LHFPL1: variants seen among roughly 807,000 people sequenced by gnomAD.
The protein encoded by LHFPL1 is LHFPL tetraspan subfamily member 1 protein.
Under a neutral mutation model 12.1 loss-of-function variants are expected in LHFPL1, and 4 were observed. The ratio of observed to expected loss-of-function variants is 0.33; its 90% CI spans 0.16 to 0.76. The LOEUF is 0.76. Among genes scored for constraint, LHFPL1 ranks in the 30% least tolerant of loss-of-function variants. LHFPL1 has a pLI of 0.61. For missense variants in LHFPL1, 141 were observed against 174.1 expected (o/e 0.81, Z 1.07); for synonymous variants, 52 against 61.9 (o/e 0.84, Z 0.75).
At chrX:112,674,364 T>C (rs777402258) in intron 1 of LHFPL1, among the ~76,000 whole-genome samples, 3 of 111,381 alleles carry the variant, frequency 2.7e-5, no homozygotes, top group Non-Finnish European at 5.7e-5. Context: ...GAAAAAACCC[T>C]TCTAGACATT....
In LHFPL1 at chrX:112,671,167, G is replaced by A. The variant is rs138936008; in HGVS notation, c.224C>T (p.Ala75Val). ...EECGRYASFN[A>V]IPSLAWQMCT... ...CATCTGCCAGGCCAGGCTTGGGATGGCATTGAAGCTGGCATAGCGCCCACA... is the reference window on the plus strand; with the variant it reads ...CATCTGCCAGGCCAGGCTTGGGATGACATTGAAGCTGGCATAGCGCCCACA... Residue 75 changes from alanine to valine, a missense_variant, in exon 2 of 4, where the codon GCC becomes GTC. Physicochemically the swap from Ala to Val is moderately conservative, Grantham distance 64 (BLOSUM62 0). Coordinates refer to ENST00000371968, the MANE Select transcript of LHFPL1 (RefSeq NM_178175.4). The A allele has an allele frequency of 4.8e-4, 577 of 1,210,871 alleles. 1 individual carries two copies. The African/African-American group carries it at 9.2e-3, about 19-fold the overall frequency.
chrX:112,668,950 C>A (rs774653727), intron 2 of LHFPL1, among the ~76,000 whole-genome samples: 1 of 112,172 alleles, frequency 8.9e-6, no homozygotes, highest in East Asian at 2.8e-4. Context: ...CTGCTGGAAA[C>A]TCTTAGAAAT....
At chrX:112,675,884 T>C (rs1225269339) in intron 1 of LHFPL1, among the ~76,000 whole-genome samples, 3 of 112,564 alleles carry the variant, frequency 2.7e-5, no homozygotes, top group African/African-American at 9.7e-5. Context: ...GAATTAAACA[T>C]TGAAGATATG....
chrX:112,654,667 G>A (rs1179723160), intron 3 of LHFPL1, among the ~76,000 whole-genome samples: 1 of 109,901 alleles, frequency 9.1e-6, no homozygotes, highest in Non-Finnish European at 1.9e-5. Context: ...GAATGGTATC[G>A]AGGTCAGAAA....
intron 1 of LHFPL1, among the ~76,000 whole-genome samples, chrX:112,674,267 C>T (rs186100015): frequency 7.7e-4 from 86 of 111,648 alleles, no homozygotes; most frequent in African/African-American, 2.6e-3. Context: ...GGATCCTTAT[C>T]TCTCACCTTA....
intron 1 of LHFPL1, 41 bp from the exon 2 acceptor site, chrX:112,671,445 G>A: frequency 1.7e-6 from 2 of 1,208,644 alleles, no homozygotes; most frequent in Non-Finnish European, 1.1e-6. Context: ...AGCACCAAAT[G>A]CAGTAAGTTA....
Position 112,661,284 on chromosome X carries a change from C to T in LHFPL1, c.383-559G>A, listed in dbSNP as rs752991705. ...GGTTTCCATATGCCTTACACCATGA[C>T]GCCTTACGCTAAATAAAAGGATGAA... On this transcript the variant is annotated intron_variant, in intron 2 of 3. Transcript: ENST00000371968. Among the ~76,000 whole-genome samples the T allele has an allele frequency of 1.6e-4, 18 of 111,020 alleles. No homozygotes were observed. The South Asian group carries it at 7.0e-3, about 43-fold the overall frequency.
chrX:112,637,166 T>A, intron 3 of LHFPL1, among the ~76,000 whole-genome samples: 1 of 112,359 alleles, frequency 8.9e-6, no homozygotes, highest in East Asian at 2.8e-4. Context: ...TACAAGTTAT[T>A]AAATCATCAC....
chrX:112,639,270 C>T (rs1379617419), intron 3 of LHFPL1, among the ~76,000 whole-genome samples: 2 of 108,064 alleles, frequency 1.9e-5, no homozygotes, highest in East Asian at 5.9e-4. Context: ...AGATTGGAGG[C>T]CCAGAACCTA....
chrX:112,634,929 G>A (rs778126478), intron 3 of LHFPL1, among the ~76,000 whole-genome samples: 2 of 44,606 alleles, frequency 4.5e-5, no homozygotes, highest in South Asian at 1.9e-3. Context: ...GTTATCTACC[G>A]GAGGAAAAAA....
At chrX:112,664,050 G>A (rs1931263014) in intron 2 of LHFPL1, among the ~76,000 whole-genome samples, 1 of 112,227 alleles carries the variant, frequency 8.9e-6, no homozygotes, top group South Asian at 3.7e-4. Context: ...ATGATGTAGT[G>A]TTTGCATATA....
chrX:112,658,057 G>A (rs771865029), intron 3 of LHFPL1, among the ~76,000 whole-genome samples: 2 of 111,538 alleles, frequency 1.8e-5, no homozygotes, highest in East Asian at 2.8e-4. Flanking sequence ...AAAGGGTCTT[G>A]TATCCAGAAC....
chrX:112,660,161 A>G (rs1021708880), intron 3 of LHFPL1, among the ~76,000 whole-genome samples: 1 of 112,479 alleles, frequency 8.9e-6, no homozygotes, highest in Non-Finnish European at 1.9e-5. Flanking sequence ...CTACTCTAAT[A>G]TTTAACAGCT....
chrX:112,673,629 T>A (rs1018290019), intron 1 of LHFPL1, among the ~76,000 whole-genome samples: 1 of 111,585 alleles, frequency 9.0e-6, no homozygotes, highest in African/African-American at 3.3e-5. Context: ...TGCCCAACGG[T>A]CTTCTTAGGT....
intron 2 of LHFPL1, among the ~76,000 whole-genome samples, chrX:112,661,488 C>T (rs749153259): frequency 7.6e-4 from 85 of 111,679 alleles, no homozygotes; most frequent in Admixed American, 7.6e-4. Context: ...TTATATCCTA[C>T]GGCTCTTACC....
chrX:112,656,478 C>A (rs1405031526), intron 3 of LHFPL1, among the ~76,000 whole-genome samples: 2 of 111,416 alleles, frequency 1.8e-5, no homozygotes, highest in Non-Finnish European at 3.8e-5. Context: ...TCCATTCTCA[C>A]AAGTTCTATT....
chrX:112,631,329 G>T lies in LHFPL1; in HGVS notation c.*91C>A. 1 of 779,551 alleles carries T rather than the reference G, an allele frequency of 1.3e-6. No individual in the cohort carries two copies. Among genetic ancestry groups the T allele is most frequent in the Non-Finnish European group, 1.8e-6 (1 of 542,382 alleles). The allele number at this position is 779,551 out of a possible 1,213,427, so 64.2% of individuals were successfully genotyped here. On this transcript the variant is annotated 3_prime_UTR_variant, in exon 4 of 4. Coordinates refer to ENST00000371968, the MANE Select transcript of LHFPL1 (RefSeq NM_178175.4). ...CATGCAAACACTAGGCTATGCTAAT[G>T]ACAGTCAGATGACAAATGGCCTAAT...
Position 112,665,513 on chromosome X carries a change from A to C in LHFPL1, c.383-4788T>G, listed in dbSNP as rs771091572. 3.6e-5 allele frequency among the ~76,000 whole-genome samples: 4 copies of C among 111,719 alleles called. No individual in the cohort carries two copies. The East Asian group carries it at 1.1e-3, about 31-fold the overall frequency. ...GCCTGAAGAAGTCTGTTTCAACTGC[A>C]TATGCTTAGCTGGGAACTTTTCTAA... is the stretch of plus-strand genomic sequence containing the variant. On this transcript the variant is annotated intron_variant, in intron 2 of 3. Coordinates refer to ENST00000371968, the MANE Select transcript of LHFPL1 (RefSeq NM_178175.4).
chrX:112,679,019 G>C (rs778600351), intron 1 of LHFPL1, among the ~76,000 whole-genome samples: 18 of 111,433 alleles, frequency 1.6e-4, no homozygotes, highest in African/African-American at 4.9e-4. Flanking sequence ...CACCAGAGTA[G>C]GTATCAATTC....
Sources: gnomAD v4.1 joint callset for allele counts (sites outside exome capture counted in the v4.1 genomes callset) on GRCh38, gnomAD v4.1.1 for gene constraint, MANE v1.5 for transcripts, NCBI Gene and HGNC (gene_info 2026-07-23, HGNC 2026-07-21) for gene names.